Variants in FGFR2 observed in about 807,000 individuals in gnomAD.
FGFR2 encodes the protein fibroblast growth factor receptor 2, also known as BEK fibroblast growth factor receptor.
FGFR2 carries 19 observed loss-of-function variants against 95.9 expected under a neutral mutation model. The observed-to-expected ratio is 0.20, with a 90% CI of 0.14 to 0.29. The LOEUF is 0.29. Ranked by LOEUF, FGFR2 falls within the 10% of genes least tolerant of loss-of-function variation. The probability of loss-of-function intolerance (pLI) is 1.00; values close to 1 mark genes in which losing one functional copy is unlikely to be tolerated. For synonymous variants in FGFR2, 392 were observed against 393.3 expected (o/e 1.00, Z 0.04); for missense variants, 707 against 1,056.9 (o/e 0.67, Z 4.59).
chr10:121,548,285 A>C lies in FGFR2; in HGVS notation c.624+3005T>G, dbSNP rs576090431. 4.3e-5 allele frequency among the ~76,000 whole-genome samples: 3 copies of C among 69,882 alleles called. No individual in the cohort carries two copies. The East Asian group carries it at 1.9e-3, about 45-fold the overall frequency. The allele number at this position is 69,882 out of a possible 152,430, so 45.8% of individuals were successfully genotyped here. On this transcript the variant is annotated intron_variant, in intron 5 of 17. Coordinates refer to ENST00000358487, the MANE Select transcript of FGFR2 (RefSeq NM_000141.5). ...TTTTTTTTTTTTTTTTTTTTGGTAAAGCAAAATATATTTTAGGTTTTTGTC... is the reference window on the plus strand; with the variant it reads ...TTTTTTTTTTTTTTTTTTTTGGTAACGCAAAATATATTTTAGGTTTTTGTC...
At chr10:121,595,930 C>T (rs1297603066) in intron 1 of FGFR2, among the ~76,000 whole-genome samples, 1 of 152,250 alleles carries the variant, frequency 6.6e-6, no homozygotes, top group Non-Finnish European at 1.5e-5. Flanking sequence ...CTCCCCAAAA[C>T]TCTGGAAGGC....
At chr10:121,491,342 C>CTAGTAATCAAAGGCA (rs1564865929) in intron 13 of FGFR2, among the ~76,000 whole-genome samples, 33 of 152,226 alleles carry the variant, frequency 2.2e-4, no homozygotes, top group African/African-American at 8.0e-4. Context: ...ACAGGAATGT[C>CTAGTAATCAAAGGCA]AGCCGTTCTC....
At chr10:121,563,882 C>T (rs1857306481) in intron 4 of FGFR2, among the ~76,000 whole-genome samples, 1 of 152,176 alleles carries the variant, frequency 6.6e-6, no homozygotes, top group Non-Finnish European at 1.5e-5. Flanking sequence ...CCTTTTCAAT[C>T]GTGGTCTACA....
At chr10:121,597,665 A>C (rs1044534992) in intron 1 of FGFR2, among the ~76,000 whole-genome samples, 2 of 152,232 alleles carry the variant, frequency 1.3e-5, no homozygotes, top group African/African-American at 4.8e-5. Flanking sequence ...AAACGCGCCC[A>C]GTCAGCGGGA....
At chr10:121,516,369 T>C (rs1474173946) in intron 8 of FGFR2, among the ~76,000 whole-genome samples, 1 of 152,246 alleles carries the variant, frequency 6.6e-6, no homozygotes, top group Non-Finnish European at 1.5e-5. Flanking sequence ...AATGGTATTA[T>C]TGAAAGCTTA....
intron 16 of FGFR2, 142 bp from the exon 17 acceptor site, chr10:121,483,945 G>C (rs1845089302): frequency 1.5e-6 from 1 of 675,022 alleles, no homozygotes; most frequent in South Asian, 1.7e-5. Flanking sequence ...AGGGGGTCAT[G>C]AATCACTTTC....
intron 1 of FGFR2, among the ~76,000 whole-genome samples, chr10:121,597,039 A>G (rs1863529783): frequency 6.6e-6 from 1 of 152,176 alleles, no homozygotes; most frequent in South Asian, 2.1e-4. Flanking sequence ...CTGAGTTTGA[A>G]AGCAGGTTTG....
At chr10:121,507,587 CAAAAA>C (rs992720275) in intron 9 of FGFR2, among the ~76,000 whole-genome samples, 2 of 151,232 alleles carry the variant, frequency 1.3e-5, no homozygotes, top group Non-Finnish European at 2.9e-5. Context: ...GACTCCATCT[CAAAAA>C]AGAAAAGAGG....
chr10:121,571,836 G>T (rs181797500), intron 2 of FGFR2, among the ~76,000 whole-genome samples: 1 of 151,790 alleles, frequency 6.6e-6, no homozygotes, highest in Non-Finnish European at 1.5e-5. Context: ...CCAGCTACTC[G>T]GGAGGCTGAG....
chr10:121,498,797 T>C (rs974528226), intron 11 of FGFR2, among the ~76,000 whole-genome samples, 192 bp from the exon 12 acceptor site: 11 of 152,192 alleles, frequency 7.2e-5, no homozygotes, highest in African/African-American at 2.7e-4. Context: ...TCACTCTGTG[T>C]CAAAGAGCTC....
At chr10:121,577,917 T>G (rs1484944473) in intron 2 of FGFR2, among the ~76,000 whole-genome samples, 2 of 152,120 alleles carry the variant, frequency 1.3e-5, no homozygotes, top group African/African-American at 4.8e-5. Flanking sequence ...ACCACTGAAC[T>G]GCCGCCCAAG....
At chr10:121,546,907 G>C (rs1453546602) in intron 5 of FGFR2, among the ~76,000 whole-genome samples, 3 of 152,306 alleles carry the variant, frequency 2.0e-5, no homozygotes, top group Non-Finnish European at 4.4e-5. Context: ...TGGAAAACTT[G>C]ACATTTTGCT....
intron 5 of FGFR2, among the ~76,000 whole-genome samples, chr10:121,543,248 G>A (rs921432973): frequency 1.3e-4 from 20 of 152,262 alleles, no homozygotes; most frequent in African/African-American, 4.1e-4. Flanking sequence ...AGTGGCTCAC[G>A]CCTGTAATCC....
chr10:121,582,929 G>A (rs748273737), intron 2 of FGFR2, among the ~76,000 whole-genome samples: 30 of 152,232 alleles, frequency 2.0e-4, no homozygotes, highest in African/African-American at 6.3e-4. Context: ...AACCAGCCTC[G>A]ATTCACCTAC....
intron 9 of FGFR2, among the ~76,000 whole-genome samples, chr10:121,506,071 C>T (rs1015530253): frequency 6.6e-5 from 10 of 151,922 alleles, no homozygotes; most frequent in African/African-American, 2.2e-4. Flanking sequence ...TAGTAAGAAC[C>T]GGCCGGCCAG....
In FGFR2 at chr10:121,487,847, T is replaced by G. The variant is rs1320772813; in HGVS notation, c.1986+144A>C. 44 of 1,005,972 alleles carry G rather than the reference T, an allele frequency of 4.4e-5. No individual in the cohort carries two copies. The Admixed American group carries it at 8.9e-4, about 20-fold the overall frequency. 62.3% of individuals were successfully genotyped at this position (1,005,972 alleles called of 1,614,324 possible). A position where few individuals can be genotyped will look rare whatever the true frequency, so the allele number is the denominator to read the frequency against. The stretch of plus-strand genomic sequence containing the variant: ...AATTTGCATATTGAGAGTTTGTGAA[T>G]AGTAAGTCAAAAGAACGGGAATCGG... On this transcript the variant is annotated intron_variant, in intron 14 of 17. Coordinates refer to ENST00000358487, the MANE Select transcript of FGFR2 (RefSeq NM_000141.5).
chr10:121,566,976 C>T (rs988054776), intron 2 of FGFR2, among the ~76,000 whole-genome samples: 5 of 152,084 alleles, frequency 3.3e-5, no homozygotes, highest in East Asian at 1.9e-4. Context: ...GGGATGGCCA[C>T]GAGGGCCCAA....
intron 2 of FGFR2, among the ~76,000 whole-genome samples, chr10:121,590,566 C>A (rs999519882): frequency 4.6e-5 from 7 of 152,132 alleles, no homozygotes; most frequent in African/African-American, 1.7e-4. Flanking sequence ...AAACTAAAAT[C>A]TTCTAGAGAT....
At position 121,479,763 on chromosome 10, in the gene FGFR2, G is replaced by A. The variant is rs1361504982; in HGVS notation, c.*94C>T. 1 of 1,612,782 alleles carries A rather than the reference G, an allele frequency of 6.2e-7. No individual in the cohort carries two copies. Among genetic ancestry groups the A allele is most frequent in the East Asian group, 2.2e-5 (1 of 44,856 alleles). ...TTACTCCTCTGATCCATATATACAAGTGGAGACAACAAGCTCTGGGAGGCA... is the reference window on the plus strand; with the variant it reads ...TTACTCCTCTGATCCATATATACAAATGGAGACAACAAGCTCTGGGAGGCA... On this transcript the variant is annotated 3_prime_UTR_variant, in exon 18 of 18. Transcript: ENST00000358487.
Sources: gnomAD v4.1 joint callset for allele counts (sites outside exome capture counted in the v4.1 genomes callset) on GRCh38, gnomAD v4.1.1 for gene constraint, MANE v1.5 for transcripts, NCBI Gene and HGNC (gene_info 2026-07-23, HGNC 2026-07-21) for gene names.